The following TNIK variants were observed in gnomAD, a reference collection of about 807,000 sequenced individuals.
TNIK encodes the protein TRAF2 and NCK interacting kinase.
A neutral mutation model predicts 191.3 loss-of-function variants in TNIK; 49 were observed. The ratio of observed to expected loss-of-function variants is 0.26; its 90% CI spans 0.20 to 0.32. The LOEUF (loss-of-function observed/expected upper bound fraction) is 0.32, where lower values mean the gene tolerates loss of function less well. TNIK is among the 10% of genes least tolerant of loss of function. The pLI is 1.00. For synonymous variants in TNIK, 594 were observed against 600.9 expected (o/e 0.99, Z 0.17); for missense variants, 1,155 against 1,702.3 (o/e 0.68, Z 5.66).
chr3:171,185,757 A>C (rs997628268), intron 7 of TNIK, among the ~76,000 whole-genome samples: 45 of 152,262 alleles, frequency 3.0e-4, no homozygotes, highest in African/African-American at 1.0e-3. Context: ...CTTTAAAGAC[A>C]TCTTAGACAC....
At chr3:171,412,130 C>G (rs1381569810) in intron 1 of TNIK, among the ~76,000 whole-genome samples, 2 of 152,166 alleles carry the variant, frequency 1.3e-5, no homozygotes, top group Non-Finnish European at 2.9e-5. Context: ...ATAACCCTTT[C>G]TCTTGGAGAA....
intron 2 of TNIK, among the ~76,000 whole-genome samples, chr3:171,312,781 G>A (rs962174590): frequency 1.8e-4 from 28 of 152,012 alleles, no homozygotes; most frequent in African/African-American, 6.5e-4. Context: ...TTACCTGTGT[G>A]TCTCTGACAA....
chr3:171,431,113 A>G (rs1004049341), intron 1 of TNIK, among the ~76,000 whole-genome samples: 1 of 152,110 alleles, frequency 6.6e-6, no homozygotes, highest in African/African-American at 2.4e-5. Context: ...TTAATTAAGC[A>G]AAGAATCTTC....
chr3:171,185,107 A>T (rs1737193376), intron 7 of TNIK, among the ~76,000 whole-genome samples: 1 of 151,998 alleles, frequency 6.6e-6, no homozygotes, highest in Non-Finnish European at 1.5e-5. Flanking sequence ...TAAAAATTGT[A>T]AGTTTTCCAT....
At chr3:171,065,622 G>A (rs1718338367) in intron 32 of TNIK, among the ~76,000 whole-genome samples, 1 of 152,184 alleles carries the variant, frequency 6.6e-6, no homozygotes, top group Non-Finnish European at 1.5e-5. Flanking sequence ...GACGGACACA[G>A]CCAATTTCAC....
chr3:171,157,463 C>T lies in TNIK; in HGVS notation c.1218G>A (p.Glu406=). The T allele has an allele frequency of 6.4e-7, 1 of 1,560,740 alleles. No individual in the cohort carries two copies. Residue 406 remains glutamate, a synonymous_variant, in exon 12 of 33, where the codon GAG becomes GAA. Transcript: ENST00000436636. The stretch of plus-strand genomic sequence containing the variant: ...GGTGGCCCGAGCAGGTCCTCACCTC[C>T]TCCAGCCGCCGCCTCTGCTCTTTCT... The part of the protein sequence containing the change: ...EEQKEQRRRL[E]EQQRREKELR...
intron 2 of TNIK, among the ~76,000 whole-genome samples, chr3:171,287,312 T>C (rs11718524): frequency 0.045 from 6,821 of 152,330 alleles, 221 homozygotes; most frequent in African/African-American, 0.094. Flanking sequence ...TTATCATTGA[T>C]TCTTTTCAAA....
At chr3:171,362,459 T>C (rs1402608840) in intron 2 of TNIK, among the ~76,000 whole-genome samples, 1 of 152,154 alleles carries the variant, frequency 6.6e-6, no homozygotes, top group Non-Finnish European at 1.5e-5. Flanking sequence ...ATTCTAAGCA[T>C]ACATAAAAAC....
rs1031454695 is a variant in TNIK at position 171,159,191 on chromosome 3, G to A, written c.1017-1527C>T. On this transcript the variant is annotated intron_variant, in intron 11 of 32. Coordinates refer to ENST00000436636, the MANE Select transcript of TNIK (RefSeq NM_015028.4). This position sits in a 1 kb window ranked among gnomAD's most constrained non-coding sequence, Gnocchi z 4.1. ...CTGGGGTGGGGACACCACCCAGGGC[G>A]AGAGCAGAGCGGGTGGAGGAGGGAA... is the stretch of plus-strand genomic sequence containing the variant. Among the ~76,000 whole-genome samples the A allele has an allele frequency of 6.6e-6, 1 of 152,228 alleles. No individual in the cohort carries two copies. The highest frequency in any genetic ancestry group is 2.1e-4 in the South Asian group (1 of 4,812).
chr3:171,272,121 A>T (rs1749178134), intron 2 of TNIK, among the ~76,000 whole-genome samples: 1 of 152,196 alleles, frequency 6.6e-6, no homozygotes, highest in Non-Finnish European at 1.5e-5. Flanking sequence ...AGAATAGACA[A>T]ACTAGCTTCC....
intron 2 of TNIK, among the ~76,000 whole-genome samples, chr3:171,265,603 A>C (rs1030936942): frequency 6.6e-6 from 1 of 152,272 alleles, no homozygotes; most frequent in Non-Finnish European, 1.5e-5. Context: ...CAATTCAAGC[A>C]GATGCTACCA....
intron 2 of TNIK, among the ~76,000 whole-genome samples, chr3:171,295,531 T>A (rs952038365): frequency 2.0e-5 from 3 of 152,204 alleles, no homozygotes. Flanking sequence ...TCCCAGCAGC[T>A]TTGTAATCAC....
chr3:171,376,536 A>G (rs1717239324), intron 1 of TNIK, among the ~76,000 whole-genome samples: 3 of 152,154 alleles, frequency 2.0e-5, no homozygotes, highest in Admixed American at 2.0e-4. Flanking sequence ...AAGGAAGCAG[A>G]CATGAGCAAC....
intron 2 of TNIK, among the ~76,000 whole-genome samples, chr3:171,246,968 T>C (rs1042236344): frequency 1.3e-5 from 2 of 152,170 alleles, no homozygotes; most frequent in Non-Finnish European, 2.9e-5. Flanking sequence ...GGAAGGACAT[T>C]TCAAGCAACA....
At chr3:171,429,274 T>C (rs1725045741) in intron 1 of TNIK, among the ~76,000 whole-genome samples, 2 of 152,200 alleles carry the variant, frequency 1.3e-5, no homozygotes, top group South Asian at 4.1e-4. Context: ...GCCTAGGATA[T>C]CTACTAGAGT....
At chr3:171,133,423 T>C (rs1211582672) in intron 15 of TNIK, among the ~76,000 whole-genome samples, 1 of 152,118 alleles carries the variant, frequency 6.6e-6, no homozygotes, top group East Asian at 1.9e-4. Flanking sequence ...GCTACAACAG[T>C]CTTGGAAACA....
chr3:171,267,739 C>T (rs73879523), intron 2 of TNIK, among the ~76,000 whole-genome samples: 6,159 of 152,192 alleles, frequency 0.04, 354 homozygotes, highest in African/African-American at 0.14. Context: ...GAAATAAAGG[C>T]AACTTTTTAC....
At chr3:171,211,324 TTTC>T in intron 3 of TNIK, 83 bp from the exon 4 acceptor site, 2 of 1,420,754 alleles carry the variant, frequency 1.4e-6, no homozygotes, top group African/African-American at 2.9e-5. Flanking sequence ...ATCTAAATTT[TTTC>T]TTGTTTTTTC....
intron 2 of TNIK, among the ~76,000 whole-genome samples, chr3:171,276,699 G>T (rs1749790841): frequency 6.6e-6 from 1 of 152,092 alleles, no homozygotes; most frequent in Non-Finnish European, 1.5e-5. Flanking sequence ...AAAAGAAGTG[G>T]AGAGTGCAGG....
Sources: allele counts gnomAD v4.1 joint callset (sites outside exome capture counted in the v4.1 genomes callset), GRCh38; gene constraint gnomAD v4.1.1; non-coding constraint Gnocchi (gnomAD v3.1); transcripts MANE v1.5; gene names NCBI Gene and HGNC (gene_info 2026-07-23, HGNC 2026-07-21).